Variants in WHRN observed in about 807,000 individuals in gnomAD.
The protein encoded by WHRN is CASK-interacting protein CIP98.
WHRN carries 41 observed loss-of-function variants against 68.3 expected under a neutral mutation model. That is an observed-to-expected ratio of 0.60 (90% confidence interval 0.47 to 0.78). The LOEUF (loss-of-function observed/expected upper bound fraction) is 0.78, where lower values mean the gene tolerates loss of function less well. Ranked by LOEUF, WHRN falls within the 30% of genes least tolerant of loss-of-function variation. The probability of loss-of-function intolerance (pLI) is 0.00; values close to 1 mark genes in which losing one functional copy is unlikely to be tolerated. For synonymous variants in WHRN, 560 were observed against 561.3 expected, an observed-to-expected ratio of 1.00 and a Z score of 0.03; for missense variants, 1,243 against 1,244.7, an observed-to-expected ratio of 1.00 and a Z score of 0.02.
intron 1 of WHRN, among the ~76,000 whole-genome samples, chr9:114,481,386 T>G (rs1842083296): frequency 6.6e-6 from 1 of 152,232 alleles, no homozygotes. Flanking sequence ...ACAGTATTCT[T>G]TTAGCATTCC....
chr9:114,406,820 C>T lies in WHRN; in HGVS notation c.1771G>A (p.Gly591Ser). 6.2e-7 allele frequency: 1 copy of T among 1,610,672 alleles called. No individual in the cohort carries two copies. The highest frequency in any genetic ancestry group is 8.5e-7 in the Non-Finnish European group (1 of 1,178,468). Residue 591 changes from glycine (G) to serine (S), a missense_variant, in exon 9 of 12, where the codon GGC (glycine) becomes AGC (serine). Transcript: ENST00000362057. Reference sequence around the variant, plus strand: ...GGCTGGCCTAGTGGGAGGTCGTTGCCTTGGGCCAGAGGTGGTGGGCGAGGC... The same window carrying T: ...GGCTGGCCTAGTGGGAGGTCGTTGCTTTGGGCCAGAGGTGGTGGGCGAGGC... ...PLPRPPPLAQ[G>S]NDLPLGQPRK...
intron 7 of WHRN, among the ~76,000 whole-genome samples, chr9:114,415,340 G>A (rs1835740450): frequency 6.6e-6 from 1 of 150,848 alleles, no homozygotes; most frequent in Non-Finnish European, 1.5e-5. Context: ...AGTATCCCAT[G>A]GTTTTAGGGT....
chr9:114,503,655 C>A, intron 1 of WHRN: 1 of 154,480 alleles, frequency 6.5e-6, no homozygotes, highest in Admixed American at 6.4e-5. Flanking sequence ...AAGTGGAGAA[C>A]AAGAGGTCCT....
At chr9:114,490,951 T>C (rs1842923609) in intron 1 of WHRN, among the ~76,000 whole-genome samples, 1 of 152,254 alleles carries the variant, frequency 6.6e-6, no homozygotes, top group Non-Finnish European at 1.5e-5. Flanking sequence ...TCTGTTATAA[T>C]TTAAGTAAAT....
At chr9:114,501,780 T>C (rs1015354774) in intron 1 of WHRN, among the ~76,000 whole-genome samples, 8 of 152,226 alleles carry the variant, frequency 5.3e-5, no homozygotes, top group African/African-American at 1.9e-4. Context: ...TTAACAGTAA[T>C]GTACTTTTAC....
At chr9:114,486,941 TTGTG>T (rs1347597157) in intron 1 of WHRN, among the ~76,000 whole-genome samples, 12 of 5,422 alleles carry the variant, frequency 2.2e-3, no homozygotes, top group African/African-American at 3.0e-3. Flanking sequence ...TGTGTGTGTG[TTGTG>T]TGTGTGTGTG....
At chr9:114,417,613 T>C (rs1318598128) in intron 7 of WHRN, among the ~76,000 whole-genome samples, 1 of 152,138 alleles carries the variant, frequency 6.6e-6, no homozygotes, top group Non-Finnish European at 1.5e-5. Flanking sequence ...GTGAGCTCCA[T>C]GCAGGAAGGG....
rs772190770 is a variant in WHRN at position 114,406,402 on chromosome 9, T to C, written c.2189A>G (p.Asp730Gly). 3 of 1,614,150 alleles carry C rather than the reference T, an allele frequency of 1.9e-6. No individual in the cohort carries two copies. The highest frequency in any genetic ancestry group is 3.3e-5 in the Admixed American group (2 of 60,026). ...CACTTCATTGACGTCTGGCTCGCTG[T>C]CGGGGCGGTGGACCTCCACCATGAC... is the stretch of plus-strand genomic sequence containing the variant. Reference protein sequence around the residue: ...HFVMVEVHRPDSEPDVNEVRA... With the variant: ...HFVMVEVHRPGSEPDVNEVRA... The change falls in exon 9 of 12, where the codon GAC (aspartate) becomes GGC (glycine). Residue 730 changes from aspartate to glycine, a missense_variant. Transcript: ENST00000362057.
At chr9:114,455,939 C>T (rs965291772) in intron 3 of WHRN, among the ~76,000 whole-genome samples, 2 of 152,058 alleles carry the variant, frequency 1.3e-5, no homozygotes, top group Non-Finnish European at 2.9e-5. Flanking sequence ...TGGGCAAAAT[C>T]ATCTAACACA....
intron 3 of WHRN, among the ~76,000 whole-genome samples, chr9:114,435,241 A>G (rs1264715976): frequency 1.3e-5 from 2 of 152,232 alleles, no homozygotes; most frequent in African/African-American, 2.4e-5. Context: ...GGCACATGGG[A>G]AACACCTGAC....
chr9:114,470,514 G>A (rs1484258614), intron 2 of WHRN, among the ~76,000 whole-genome samples: 1 of 152,170 alleles, frequency 6.6e-6, no homozygotes, highest in Non-Finnish European at 1.5e-5. Flanking sequence ...AAAGTGGACT[G>A]CAGGAAGACT....
intron 7 of WHRN, among the ~76,000 whole-genome samples, chr9:114,419,545 C>T (rs1836096012): frequency 2.0e-5 from 3 of 152,110 alleles, no homozygotes; most frequent in South Asian, 4.1e-4. Context: ...AAAGGAAGCC[C>T]GGGGGCAAGA....
chr9:114,429,903 C>T lies in WHRN; in HGVS notation c.964-3490G>A, dbSNP rs139333901. ...CACCCAACTTGCTAAACCACCTCCC[C>T]ACGTGGCAGCTCCATCTCTCATCTC... On this transcript the variant is annotated intron_variant, in intron 3 of 11. Coordinates refer to ENST00000362057, the MANE Select transcript of WHRN (RefSeq NM_015404.4). Among the ~76,000 whole-genome samples the T allele has an allele frequency of 3.0e-3, 450 of 152,336 alleles. 1 individual carries two copies. Among genetic ancestry groups the T allele is most frequent in the Non-Finnish European group, 5.1e-3 (344 of 68,024 alleles).
At chr9:114,425,057 A>G (rs754127686) in intron 4 of WHRN, 33 bp from the exon 5 acceptor site, 2 of 1,612,878 alleles carry the variant, frequency 1.2e-6, no homozygotes, top group Non-Finnish European at 1.7e-6. Flanking sequence ...CCAGTTGTGC[A>G]TTTGAGCAGA....
At chr9:114,486,832 A>AG (rs1401300383) in intron 1 of WHRN, among the ~76,000 whole-genome samples, 54 of 149,460 alleles carry the variant, frequency 3.6e-4, no homozygotes, top group Middle Eastern at 3.5e-3. Context: ...AAAAAAAAAA[A>AG]AGAGAGAAAT....
At chr9:114,450,786 T>A (rs774535036) in intron 3 of WHRN, among the ~76,000 whole-genome samples, 12 of 151,704 alleles carry the variant, frequency 7.9e-5, no homozygotes, top group Non-Finnish European at 1.3e-4. Context: ...CGGCACACAG[T>A]AGGTGTCAGA....
chr9:114,469,072 T>C (rs1481061006), intron 2 of WHRN, among the ~76,000 whole-genome samples: 2 of 152,214 alleles, frequency 1.3e-5, no homozygotes, highest in Non-Finnish European at 2.9e-5. Context: ...CTCACTTCCT[T>C]GGGCTGCTGT....
intron 1 of WHRN, among the ~76,000 whole-genome samples, chr9:114,489,558 T>C (rs1456438977): frequency 1.3e-5 from 2 of 151,800 alleles, no homozygotes; most frequent in Non-Finnish European, 2.9e-5. Flanking sequence ...CACTTCTGAT[T>C]CCTCTACCTT....
intron 9 of WHRN, among the ~76,000 whole-genome samples, chr9:114,405,668 G>A (rs1834974767): frequency 6.6e-6 from 1 of 152,194 alleles, no homozygotes; most frequent in African/African-American, 2.4e-5. Flanking sequence ...GGCTGCGAGC[G>A]CCAGAGCCCT....
Sources: gnomAD v4.1 joint callset for allele counts (sites outside exome capture counted in the v4.1 genomes callset) on GRCh38, gnomAD v4.1.1 for gene constraint, MANE v1.5 for transcripts, NCBI Gene and HGNC (gene_info 2026-07-23, HGNC 2026-07-21) for gene names.